EML4: variants seen among roughly 807,000 people sequenced by gnomAD.
EML4 encodes the protein echinoderm microtubule-associated protein-like 4.
A neutral mutation model predicts 129.0 loss-of-function variants in EML4; 72 were observed. The ratio of observed to expected loss-of-function variants is 0.56; its 90% CI spans 0.46 to 0.68. The LOEUF (loss-of-function observed/expected upper bound fraction) is 0.68, where lower values mean the gene tolerates loss of function less well. Ranked by LOEUF, EML4 falls within the 30% of genes least tolerant of loss-of-function variation. EML4 has a pLI of 0.00. For synonymous variants in EML4, 532 were observed against 405.0 expected (o/e 1.31, Z -3.77); for missense variants, 1,363 against 1,190.6 (o/e 1.14, Z -2.13).
chr2:42,229,187 A>C (rs1169959444), intron 1 of EML4, among the ~76,000 whole-genome samples: 1 of 152,194 alleles, frequency 6.6e-6, no homozygotes, highest in African/African-American at 2.4e-5. Flanking sequence ...AGTAGCTAAC[A>C]TTTATAAAAA....
At chr2:42,189,814 T>C (rs1214800817) in intron 1 of EML4, among the ~76,000 whole-genome samples, 1 of 152,186 alleles carries the variant, frequency 6.6e-6, no homozygotes, top group Non-Finnish European at 1.5e-5. Context: ...TGTTGTTCTC[T>C]TATGTTGAAT....
intron 1 of EML4, among the ~76,000 whole-genome samples, chr2:42,178,621 AT>A (rs1670756062): frequency 6.6e-6 from 1 of 152,158 alleles, no homozygotes; most frequent in Non-Finnish European, 1.5e-5. Flanking sequence ...CACGTGAGAG[AT>A]CCCTGGGAGC....
intron 1 of EML4, among the ~76,000 whole-genome samples, chr2:42,232,805 A>G (rs1456877444): frequency 1.3e-5 from 2 of 152,002 alleles, no homozygotes; most frequent in East Asian, 1.9e-4. Flanking sequence ...GCTCACTGCA[A>G]GCTCCGCCTC....
chr2:42,278,348 C>T (rs923965935), intron 6 of EML4, among the ~76,000 whole-genome samples: 2 of 151,762 alleles, frequency 1.3e-5, no homozygotes, highest in African/African-American at 2.4e-5. Context: ...TGAGGGGGCG[C>T]GGATCACTTG....
intron 7 of EML4, among the ~76,000 whole-genome samples, chr2:42,281,392 C>T (rs1382785546): frequency 3.9e-5 from 4 of 101,342 alleles, no homozygotes; most frequent in Admixed American, 9.6e-5. Context: ...AACTCTGTCT[C>T]AAAAGAAAAA....
intron 1 of EML4, among the ~76,000 whole-genome samples, chr2:42,173,472 A>G (rs1040026807): frequency 2.0e-5 from 3 of 152,202 alleles, no homozygotes; most frequent in African/African-American, 7.2e-5. Context: ...AACATGGGCT[A>G]GCACTATGCT....
chr2:42,203,533 C>T (rs926145557), intron 1 of EML4, among the ~76,000 whole-genome samples: 5 of 151,938 alleles, frequency 3.3e-5, no homozygotes, highest in South Asian at 2.1e-4. Flanking sequence ...GTACAGTGGA[C>T]GGCATCATTA....
chr2:42,282,792 T>C (rs911107390), intron 7 of EML4, 31 bp from the exon 8 acceptor site: 1 of 1,595,994 alleles, frequency 6.3e-7, no homozygotes. Flanking sequence ...AAACTGTGTT[T>C]ATTTAAAACC....
intron 17 of EML4, among the ~76,000 whole-genome samples, chr2:42,308,096 G>A (rs1668719560): frequency 6.6e-6 from 1 of 152,228 alleles, no homozygotes; most frequent in Non-Finnish European, 1.5e-5. Context: ...TAAGCACAGT[G>A]TGAATAAAGC....
intron 1 of EML4, among the ~76,000 whole-genome samples, chr2:42,181,622 T>C (rs1449339228): frequency 1.3e-5 from 2 of 152,190 alleles, no homozygotes; most frequent in African/African-American, 2.4e-5. Flanking sequence ...TGATGGGTTA[T>C]AGTCCATTAC....
intron 17 of EML4, among the ~76,000 whole-genome samples, chr2:42,305,339 G>T (rs1668532470): frequency 6.6e-6 from 1 of 152,210 alleles, no homozygotes; most frequent in Non-Finnish European, 1.5e-5. Context: ...AGGGAGTGCA[G>T]TTGCAAAATG....
intron 6 of EML4, 119 bp downstream of exon 6, chr2:42,264,850 C>G: frequency 6.8e-7 from 1 of 1,470,614 alleles, no homozygotes; most frequent in South Asian, 1.2e-5. Context: ...AAGAAAAGTG[C>G]GTTACTGTAG....
intron 19 of EML4, among the ~76,000 whole-genome samples, chr2:42,321,864 CAT>C (rs1349633467): frequency 6.6e-6 from 1 of 152,142 alleles, no homozygotes; most frequent in Non-Finnish European, 1.5e-5. Flanking sequence ...TGAGAATAAA[CAT>C]AGCAACAAAA....
In EML4 at chr2:42,330,290, G is replaced by T. The variant is rs1266052928; in HGVS notation, c.*83G>T. The T allele has an allele frequency of 2.5e-6, 3 of 1,205,882 alleles. No homozygotes were observed. Among genetic ancestry groups the T allele is most frequent in the Admixed American group, 1.8e-5 (1 of 55,452 alleles). The allele number at this position is 1,205,882 out of a possible 1,614,324, so 74.7% of individuals were successfully genotyped here. On this transcript the variant is annotated 3_prime_UTR_variant, in exon 23 of 23. Coordinates refer to ENST00000318522, the MANE Select transcript of EML4 (RefSeq NM_019063.5). ...TCAGGTAACAGGATGGGCAGTGATG[G>T]AGAATCACTGTTGATTGAGATTTTG...
At position 42,284,061 on chromosome 2, in the gene EML4, C is replaced by G. The variant is rs141800291; in HGVS notation, c.942-573C>G. Among the ~76,000 whole-genome samples, 1,382 of 152,286 alleles carry G rather than the reference C, an allele frequency of 9.1e-3. 7 individuals are homozygous for G. Among genetic ancestry groups the G allele is most frequent in the South Asian group, 0.018 (85 of 4,826 alleles). ...TTAGGCACATATGCTACGCTACTTC[C>G]CATTTCTATTTAAAAATTCCTTGCC... On this transcript the variant is annotated intron_variant, in intron 8 of 22. Transcript: ENST00000318522.
In EML4 at chr2:42,260,985, A is replaced by T. The variant is rs780258271; in HGVS notation, c.339-136A>T. ...GAATTTTCAAAGAAATATTGTCCTT[A>T]TTGAATGAAAACAGTGCAAATTGTA... is the stretch of plus-strand genomic sequence containing the variant. On this transcript the variant is annotated intron_variant, in intron 3 of 22. Coordinates refer to ENST00000318522, the MANE Select transcript of EML4 (RefSeq NM_019063.5). 647 of 610,820 alleles carry T rather than the reference A, an allele frequency of 1.1e-3. 2 individuals carry two copies. The highest frequency in any genetic ancestry group is 5.9e-4 in the Non-Finnish European group (212 of 360,046). The allele number at this position is 610,820 out of a possible 1,614,324, so 37.8% of individuals were successfully genotyped here. A position where few individuals can be genotyped will look rare whatever the true frequency, so the allele number is the denominator to read the frequency against.
chr2:42,280,235 C>G (rs1266134282), intron 6 of EML4, among the ~76,000 whole-genome samples: 3 of 152,286 alleles, frequency 2.0e-5, no homozygotes, highest in African/African-American at 2.4e-5. Context: ...TCTACTCAGC[C>G]TTCCTGGACT....
Position 42,315,900 on chromosome 2 carries a change from C to G in EML4, c.1968-62C>G, listed in dbSNP as rs533587362. The G allele has an allele frequency of 3.0e-5, 38 of 1,260,228 alleles. No homozygotes were observed. The East Asian group carries it at 6.8e-4, about 22-fold the overall frequency. The allele number at this position is 1,260,228 out of a possible 1,614,324, so 78.1% of individuals were successfully genotyped here. A position where few individuals can be genotyped will look rare whatever the true frequency, so the allele number is the denominator to read the frequency against. The stretch of plus-strand genomic sequence containing the variant: ...CATCTCAAAAAAAAAAGAAAAAGAA[C>G]AACTTTTTTTTTCTATAAATGCTAA... On this transcript the variant is annotated intron_variant, in intron 17 of 22. Coordinates refer to ENST00000318522, the MANE Select transcript of EML4 (RefSeq NM_019063.5).
At chr2:42,278,927 ACT>A (rs902968112) in intron 6 of EML4, among the ~76,000 whole-genome samples, 1 of 113,580 alleles carries the variant, frequency 8.8e-6, no homozygotes, top group Non-Finnish European at 1.8e-5. Context: ...CAAGAGCGAA[ACT>A]CTCTTGGAAA....
Sources: gnomAD v4.1 joint callset for allele counts (sites outside exome capture counted in the v4.1 genomes callset) on GRCh38, gnomAD v4.1.1 for gene constraint, MANE v1.5 for transcripts, NCBI Gene and HGNC (gene_info 2026-07-23, HGNC 2026-07-21) for gene names.